AMPD3: variants seen among roughly 807,000 people sequenced by gnomAD.
The protein encoded by AMPD3 is AMP deaminase 3.
Under a neutral mutation model 82.3 loss-of-function variants are expected in AMPD3, and 57 were observed. The ratio of observed to expected loss-of-function variants is 0.69; its 90% CI spans 0.56 to 0.86. The LOEUF (loss-of-function observed/expected upper bound fraction) is 0.86, where lower values mean the gene tolerates loss of function less well. Among genes scored for constraint, AMPD3 ranks in the 40% least tolerant of loss-of-function variants. The pLI is 0.00. For synonymous variants in AMPD3, 381 were observed against 394.7 expected (o/e 0.97, Z 0.41); for missense variants, 870 against 1,003.8 (o/e 0.87, Z 1.80).
In AMPD3 at chr11:10,500,106, G is replaced by A; in HGVS notation, c.1578G>A (p.Val526=). ...CCCAGGTGACGGGGTTTGACAGCGT[G>A]GATGATGAGTCCAAGCACAGCGACC... ...FLKYVTGFDS[V]DDESKHSDHM... Residue 526 remains valine, a synonymous_variant, in exon 11 of 15, where the codon GTG becomes GTA. Coordinates refer to ENST00000396553, the MANE Select transcript of AMPD3 (RefSeq NM_001025389.2). The A allele has an allele frequency of 1.2e-6, 2 of 1,614,164 alleles. No individual in the cohort carries two copies. Among genetic ancestry groups the A allele is most frequent in the Non-Finnish European group, 1.7e-6 (2 of 1,180,026 alleles).
At position 10,480,924 on chromosome 11, in the gene AMPD3, C is replaced by T. The variant is rs1468479828; in HGVS notation, c.427-1139C>T. On this transcript the variant is annotated intron_variant, in intron 3 of 14. Transcript: ENST00000396553. ...ACTTGTCTCCCCAAGCATATTTCTG[C>T]GATTCCCATCCTTCCCAAACAGACT... 4.6e-5 allele frequency among the ~76,000 whole-genome samples: 7 copies of T among 152,146 alleles called. No homozygotes were observed. The East Asian group carries it at 1.2e-3, about 25-fold the overall frequency.
intron 2 of AMPD3, among the ~76,000 whole-genome samples, chr11:10,468,093 G>C (rs193293225): frequency 6.6e-6 from 1 of 152,280 alleles, no homozygotes; most frequent in Admixed American, 6.5e-5. Context: ...TCAACACTTC[G>C]AAGAAACTGC....
chr11:10,475,703 T>TTTACGGG (rs1848718395), intron 2 of AMPD3, among the ~76,000 whole-genome samples: 1 of 152,108 alleles, frequency 6.6e-6, no homozygotes, highest in East Asian at 1.9e-4. Flanking sequence ...TAGAGAGCTT[T>TTTACGGG]CTGAGTGTAG....
At chr11:10,490,611 C>T (rs11042848) in intron 6 of AMPD3, 19 of 985,180 alleles carry the variant, frequency 1.9e-5, no homozygotes, top group Non-Finnish European at 2.3e-5. Flanking sequence ...AAAATAATCA[C>T]CCTTGAGTTC....
chr11:10,461,754 GC>G lies in AMPD3; in HGVS notation c.221+15del. 1 of 1,593,824 alleles carries G rather than the reference GC, an allele frequency of 6.3e-7. No homozygotes were observed. The highest frequency in any genetic ancestry group is 8.5e-7 in the Non-Finnish European group (1 of 1,169,624). On this transcript the variant is annotated intron_variant, in intron 2 of 14. Coordinates refer to ENST00000396553, the MANE Select transcript of AMPD3 (RefSeq NM_001025389.2). ...GACCGCAAAAAGGTTTGTTCCCAAGGCATGGTTTTCGTGTACATAGAGTCAT... is the reference window on the plus strand; with the variant it reads ...GACCGCAAAAAGGTTTGTTCCCAAGGATGGTTTTCGTGTACATAGAGTCAT...
At chr11:10,503,902 T>C (rs1591489143) in intron 13 of AMPD3, 2 of 973,904 alleles carry the variant, frequency 2.1e-6, no homozygotes, top group Non-Finnish European at 2.4e-6. Context: ...CCTTGACCTG[T>C]ACTTCGAGAA....
chr11:10,453,684 GT>G (rs1411364713), upstream of AMPD3, among the ~76,000 whole-genome samples: 1 of 152,020 alleles, frequency 6.6e-6, no homozygotes, highest in Non-Finnish European at 1.5e-5. Flanking sequence ...TGCCTCCTGG[GT>G]TCAAGTGATT....
upstream of AMPD3, among the ~76,000 whole-genome samples, chr11:10,451,843 A>G (rs1197842600): frequency 6.6e-6 from 1 of 152,254 alleles, no homozygotes; most frequent in Non-Finnish European, 1.5e-5. Flanking sequence ...TGGAACCTGC[A>G]GAGGAGAAAT....
intron 1 of AMPD3, among the ~76,000 whole-genome samples, chr11:10,457,600 T>TA (rs1216804882): frequency 6.6e-6 from 1 of 152,150 alleles, no homozygotes; most frequent in Non-Finnish European, 1.5e-5. Flanking sequence ...TAGAGCAAGC[T>TA]AAAAATGCTT....
intron 2 of AMPD3, among the ~76,000 whole-genome samples, chr11:10,469,573 A>T (rs1049809762): frequency 4.6e-5 from 7 of 152,220 alleles, no homozygotes; most frequent in Non-Finnish European, 8.8e-5. Flanking sequence ...AGGTACAAAG[A>T]GGAGCTGGTA....
intron 5 of AMPD3, chr11:10,486,884 AC>A: frequency 1.0e-6 from 1 of 985,384 alleles, no homozygotes; most frequent in Non-Finnish European, 1.2e-6. Flanking sequence ...CCAGGCATAA[AC>A]CAGTTTAACC....
At chr11:10,486,798 A>T (rs1389612831) in intron 5 of AMPD3, 2 of 985,292 alleles carry the variant, frequency 2.0e-6, no homozygotes, top group African/African-American at 3.5e-5. Flanking sequence ...TGAGGATAGA[A>T]AAGAGGAAGG....
intron 11 of AMPD3, chr11:10,500,630 C>T (rs972989832): frequency 1.9e-5 from 19 of 985,362 alleles, no homozygotes; most frequent in African/African-American, 1.2e-4. Context: ...CACACATGCA[C>T]GGTCACTTAC....
At chr11:10,491,950 A>G (rs1849251399) in intron 6 of AMPD3, among the ~76,000 whole-genome samples, 1 of 152,246 alleles carries the variant, frequency 6.6e-6, no homozygotes, top group South Asian at 2.1e-4. Context: ...AATGCACAGA[A>G]ATGGAACAGA....
chr11:10,493,835 C>T lies in AMPD3; in HGVS notation c.1134+292C>T, dbSNP rs1416723840. On this transcript the variant is annotated intron_variant, in intron 7 of 14. Transcript: ENST00000396553. ...CTCACAGAAGCCTTTATTTCCTTGC[C>T]TATAAAATGGTGACAGCCATGTGCC... 3 of 501,670 alleles carry T rather than the reference C, an allele frequency of 6.0e-6. No individual in the cohort carries two copies. In the East Asian group the frequency reaches 1.1e-4, roughly 18 times the overall value. 31.1% of individuals were successfully genotyped at this position (501,670 alleles called of 1,614,324 possible). A position where few individuals can be genotyped will look rare whatever the true frequency, so the allele number is the denominator to read the frequency against.
intron 2 of AMPD3, among the ~76,000 whole-genome samples, chr11:10,476,690 G>T (rs1053820290): frequency 2.1e-4 from 32 of 152,220 alleles, no homozygotes; most frequent in African/African-American, 7.5e-4. Flanking sequence ...GTCAGAATGT[G>T]TTGGGGAGCC....
In AMPD3 at chr11:10,489,574, G is replaced by A. The variant is rs544664486; in HGVS notation, c.939+2210G>A. 3.3e-5 allele frequency among the ~76,000 whole-genome samples: 5 copies of A among 152,320 alleles called. No homozygotes were observed. The South Asian group carries it at 1.0e-3, about 32-fold the overall frequency. On this transcript the variant is annotated intron_variant, in intron 6 of 14. Transcript: ENST00000396553. The stretch of plus-strand genomic sequence containing the variant: ...AGATGACCTTGATATCTATGACCCA[G>A]TGGCCTGTTCTTAGGCACCACAGTC...
chr11:10,486,218 A>G (rs954703417), intron 5 of AMPD3, among the ~76,000 whole-genome samples: 39 of 151,568 alleles, frequency 2.6e-4, no homozygotes, highest in African/African-American at 8.5e-4. Context: ...CTCCCTTCCG[A>G]CTCTGAGGCT....
At chr11:10,504,494 A>C in intron 13 of AMPD3, 55 bp from the exon 14 acceptor site, 2 of 1,542,504 alleles carry the variant, frequency 1.3e-6, no homozygotes. Flanking sequence ...ACATGTGTGA[A>C]CGATTGACAT....
Sources: gnomAD v4.1 joint callset for allele counts (sites outside exome capture counted in the v4.1 genomes callset) on GRCh38, gnomAD v4.1.1 for gene constraint, MANE v1.5 for transcripts, NCBI Gene and HGNC (gene_info 2026-07-23, HGNC 2026-07-21) for gene names.